The following LRRK1 variants were observed in gnomAD, a reference collection of about 807,000 sequenced individuals.
LRRK1 encodes leucine rich repeat kinase 1.
Under a neutral mutation model 209.1 loss-of-function variants are expected in LRRK1, and 113 were observed. That is an observed-to-expected ratio of 0.54 (90% CI 0.46 to 0.63). The LOEUF (loss-of-function observed/expected upper bound fraction) is 0.63, where lower values mean the gene tolerates loss of function less well. Ranked by LOEUF, LRRK1 falls within the 30% of genes least tolerant of loss-of-function variation. The pLI, the probability that LRRK1 is intolerant of heterozygous loss-of-function variation, is 0.00. For synonymous variants in LRRK1, 1,144 were observed against 1,099.7 expected, an observed-to-expected ratio of 1.04 and a Z score of -0.80; for missense variants, 2,284 against 2,632.2, an observed-to-expected ratio of 0.87 and a Z score of 2.89.
intron 27 of LRRK1, 111 bp from the exon 28 acceptor site, chr15:101,056,741 TTGAA>T (rs2035829777): frequency 1.2e-5 from 9 of 759,722 alleles, no homozygotes; most frequent in African/African-American, 1.8e-5. Context: ...AGGTGGTTTG[TTGAA>T]TGTTTGTTTT....
intron 3 of LRRK1, among the ~76,000 whole-genome samples, chr15:100,977,579 T>C (rs2031370133): frequency 6.6e-6 from 1 of 152,142 alleles, no homozygotes; most frequent in Non-Finnish European, 1.5e-5. Context: ...TAGGGCAGAA[T>C]TGAAGCAGGC....
intron 10 of LRRK1, among the ~76,000 whole-genome samples, chr15:101,013,581 T>A (rs1221217755): frequency 6.6e-6 from 1 of 151,864 alleles, no homozygotes; most frequent in Non-Finnish European, 1.5e-5. Flanking sequence ...ACCGCTGCAC[T>A]CCAGCCTAAG....
In LRRK1 at chr15:101,052,577, C is replaced by T. The variant is rs140502974; in HGVS notation, c.3690-345C>T. ...CCAAGATCATAACTAGAGAGAGAAT[C>T]GGGGAGGAAATAGGAAACGTCACCT... On this transcript the variant is annotated intron_variant, in intron 24 of 33. Transcript: ENST00000388948. Among the ~76,000 whole-genome samples the T allele has an allele frequency of 7.9e-5, 12 of 152,342 alleles. No homozygotes were observed. The East Asian group carries it at 2.3e-3, about 29-fold the overall frequency.
chr15:101,002,595 A>C (rs1483494394), intron 6 of LRRK1, among the ~76,000 whole-genome samples: 1 of 152,164 alleles, frequency 6.6e-6, no homozygotes, highest in Non-Finnish European at 1.5e-5. Context: ...AGGATTATAT[A>C]ATTGCTGGCT....
chr15:101,071,986 T>C lies in LRRK1; in HGVS notation c.*3138T>C, dbSNP rs2036824538. 6.6e-6 allele frequency: 1 copy of C among 152,302 alleles called. No homozygotes were observed. 9.4% of individuals were successfully genotyped at this position (152,302 alleles called of 1,614,324 possible). The stretch of plus-strand genomic sequence containing the variant: ...ACTGTGTGGGAGGGACAGGAGAGCC[T>C]GGCGTGGCTGCGGCCTTGAAGGAGG... On this transcript the variant is annotated 3_prime_UTR_variant, in exon 34 of 34. Coordinates refer to ENST00000388948, the MANE Select transcript of LRRK1 (RefSeq NM_024652.6).
In LRRK1 at chr15:101,066,611, G is replaced by A. The variant is rs529827651; in HGVS notation, c.5769-29G>A. On this transcript the variant is annotated intron_variant, in intron 32 of 33. Coordinates refer to ENST00000388948, the MANE Select transcript of LRRK1 (RefSeq NM_024652.6). ...CGGAGAGCACGGCTACCGACAAATC[G>A]CTTCCCCTTCTGGGTTTTGGTTGCT... is the stretch of plus-strand genomic sequence containing the variant. 64 of 1,605,968 alleles carry A rather than the reference G, an allele frequency of 4.0e-5. 2 individuals are homozygous for A. Among genetic ancestry groups the A allele is most frequent in the South Asian group, 3.5e-4 (32 of 90,878 alleles).
At chr15:100,984,543 G>T (rs1464431540) in intron 4 of LRRK1, among the ~76,000 whole-genome samples, 2 of 114,058 alleles carry the variant, frequency 1.8e-5, no homozygotes, top group African/African-American at 6.8e-5. Flanking sequence ...TACTATCTTT[G>T]CCTTTTCCAG....
At chr15:101,014,658 C>T (rs1078512) in intron 11 of LRRK1, among the ~76,000 whole-genome samples, 39,184 of 152,152 alleles carry the variant, frequency 0.26, 5,200 homozygotes, top group Middle Eastern at 0.37. Flanking sequence ...TTGCAGATGC[C>T]GTCTTCTCCC....
chr15:100,957,359 C>A (rs2042787406), intron 2 of LRRK1, among the ~76,000 whole-genome samples: 1 of 152,156 alleles, frequency 6.6e-6, no homozygotes, highest in African/African-American at 2.4e-5. Context: ...AATTTTCTGT[C>A]TGGATGATCT....
chr15:101,047,309 G>T (rs1443255542), intron 21 of LRRK1, among the ~76,000 whole-genome samples: 1 of 152,250 alleles, frequency 6.6e-6, no homozygotes, highest in Non-Finnish European at 1.5e-5. Context: ...AGCGGGGAGG[G>T]AGATGGGTTA....
chr15:100,951,436 C>T (rs1312201503), intron 2 of LRRK1, among the ~76,000 whole-genome samples: 1 of 152,114 alleles, frequency 6.6e-6, no homozygotes. Flanking sequence ...AATTCCACTC[C>T]TGAGTATATA....
intron 6 of LRRK1, among the ~76,000 whole-genome samples, chr15:100,997,653 C>T (rs1173033676): frequency 4.6e-5 from 7 of 152,188 alleles, no homozygotes; most frequent in Admixed American, 1.3e-4. Context: ...CACAGAGCAA[C>T]GGACACACCA....
chr15:101,028,603 A>T (rs1490031250), intron 19 of LRRK1, among the ~76,000 whole-genome samples: 1 of 152,238 alleles, frequency 6.6e-6, no homozygotes, highest in African/African-American at 2.4e-5. Flanking sequence ...GGTCAATGCA[A>T]ATTTTTCACC....
chr15:101,050,824 C>T (rs4965360), intron 23 of LRRK1: 141,343 of 152,566 alleles, frequency 0.93, 66,432 homozygotes, highest in Non-Finnish European at 1. Flanking sequence ...GAGAAGTCAG[C>T]TGGGTGTGCG....
At chr15:100,925,866 C>A (rs1048350879) in intron 2 of LRRK1, among the ~76,000 whole-genome samples, 1 of 152,200 alleles carries the variant, frequency 6.6e-6, no homozygotes, top group Non-Finnish European at 1.5e-5. Flanking sequence ...TGAACCCTGT[C>A]TTAATGCTGC....
At position 101,057,991 on chromosome 15, in the gene LRRK1, G is replaced by A. The variant is rs2035912573; in HGVS notation, c.4529G>A (p.Arg1510Gln). 1.2e-6 allele frequency: 2 copies of A among 1,614,010 alleles called. No individual in the cohort carries two copies. Among genetic ancestry groups the A allele is most frequent in the Non-Finnish European group, 1.7e-6 (2 of 1,179,980 alleles). ...MECWDTKPEK[R>Q]PLALSVVSQM... is the part of the protein sequence containing the mutation. ...CTTCTGGTGGCTTCTCTCCCTCAGC[G>A]ACCGCTGGCCCTGTCGGTGGTGAGC... Residue 1510 changes from arginine (R) to glutamine (Q), a missense_variant and splice_region_variant, in exon 29 of 34, where the codon CGA (arginine) becomes CAA (glutamine). Physicochemically the swap from Arg to Gln is conservative, Grantham distance 43 (BLOSUM62 1). Transcript: ENST00000388948.
chr15:101,076,205 C>CTGATT lies in LRRK1; in HGVS notation c.*7358_*7359insGATTT, dbSNP rs2036982508. Reference sequence around the variant, plus strand: ...TCTCTGTGCAGCGGCTGCTGCCACCCTAATACTTTTAGAGGCCCTCAAAAT... The same window carrying CTGATT: ...TCTCTGTGCAGCGGCTGCTGCCACCCTGATTTAATACTTTTAGAGGCCCTCAAAAT... On this transcript the variant is annotated 3_prime_UTR_variant, in exon 34 of 34. Coordinates refer to ENST00000388948, the MANE Select transcript of LRRK1 (RefSeq NM_024652.6). The CTGATT allele has an allele frequency of 3.9e-5, 6 of 152,256 alleles. No individual in the cohort carries two copies. The East Asian group carries it at 1.2e-3, about 30-fold the overall frequency. The allele number at this position is 152,256 out of a possible 1,614,324, so 9.4% of individuals were successfully genotyped here.
intron 1 of LRRK1, among the ~76,000 whole-genome samples, chr15:100,923,982 T>C (rs1488059603): frequency 1.3e-5 from 2 of 152,272 alleles, no homozygotes; most frequent in African/African-American, 2.4e-5. Context: ...CTTGACTTCA[T>C]AACCAGTAAT....
chr15:100,973,407 T>A (rs1274548498), intron 2 of LRRK1, among the ~76,000 whole-genome samples: 1 of 152,164 alleles, frequency 6.6e-6, no homozygotes, highest in Non-Finnish European at 1.5e-5. Flanking sequence ...GGAGGTGGCC[T>A]GTCTTTCCCC....
Sources: gnomAD v4.1 joint callset for allele counts (sites outside exome capture counted in the v4.1 genomes callset) on GRCh38, gnomAD v4.1.1 for gene constraint, MANE v1.5 for transcripts, NCBI Gene and HGNC (gene_info 2026-07-23, HGNC 2026-07-21) for gene names.